The following FOXP1 variants were observed in gnomAD, a reference collection of about 807,000 sequenced individuals.
FOXP1 encodes forkhead box P1, also known as forkhead box protein P1.
FOXP1 carries 15 observed loss-of-function variants against 98.2 expected under a neutral mutation model. The observed-to-expected ratio is 0.15, with a 90% CI of 0.10 to 0.24. The LOEUF (loss-of-function observed/expected upper bound fraction) is 0.24, where lower values mean the gene tolerates loss of function less well. FOXP1 is among the 10% of genes least tolerant of loss of function. The probability of loss-of-function intolerance (pLI) is 1.00; values close to 1 mark genes in which losing one functional copy is unlikely to be tolerated. For synonymous variants in FOXP1, 371 were observed against 314.5 expected (o/e 1.18, Z -1.90); for missense variants, 633 against 848.5 (o/e 0.75, Z 3.15).
intron 3 of FOXP1, among the ~76,000 whole-genome samples, chr3:71,409,481 T>C (rs1173770612): frequency 6.6e-6 from 1 of 152,036 alleles, no homozygotes; most frequent in East Asian, 1.9e-4. Context: ...TCCTCTTTGG[T>C]AGGCAGGAGG....
At chr3:71,029,972 C>G (rs975996320) in intron 11 of FOXP1, among the ~76,000 whole-genome samples, 5 of 152,114 alleles carry the variant, frequency 3.3e-5, no homozygotes, top group African/African-American at 1.2e-4. Flanking sequence ...ATGTGCTCAG[C>G]AACTAAAACA....
At chr3:71,227,701 A>T (rs2106709213) in intron 5 of FOXP1, among the ~76,000 whole-genome samples, 1 of 152,064 alleles carries the variant, frequency 6.6e-6, no homozygotes, top group African/African-American at 2.4e-5. Flanking sequence ...TTTTGAGATT[A>T]AAAAATGGTT....
At chr3:71,454,522 C>A (rs1169112916) in intron 3 of FOXP1, among the ~76,000 whole-genome samples, 1 of 152,038 alleles carries the variant, frequency 6.6e-6, no homozygotes, top group Non-Finnish European at 1.5e-5. Flanking sequence ...CCTTGAGGTT[C>A]CAAGTGTGGC....
At chr3:71,131,399 A>G (rs1312129339) in intron 6 of FOXP1, among the ~76,000 whole-genome samples, 1 of 123,468 alleles carries the variant, frequency 8.1e-6, no homozygotes. Context: ...GCCATATTCA[A>G]TAACAAAAAA....
At chr3:71,517,264 T>C (rs1191834336) in intron 2 of FOXP1, among the ~76,000 whole-genome samples, 1 of 152,034 alleles carries the variant, frequency 6.6e-6, no homozygotes, top group Non-Finnish European at 1.5e-5. Context: ...TCCAAGTCCA[T>C]ACAGATTCAC....
intron 4 of FOXP1, among the ~76,000 whole-genome samples, chr3:71,341,279 A>T (rs1268941675): frequency 1.3e-5 from 2 of 152,242 alleles, no homozygotes; most frequent in Non-Finnish European, 2.9e-5. Flanking sequence ...AAAGAAATGA[A>T]ATTAGAAATC....
Position 71,278,510 on chromosome 3 carries a change from C to T in FOXP1, c.-12+21310G>A, listed in dbSNP as rs186529287. Among the ~76,000 whole-genome samples, 1,039 of 152,226 alleles carry T rather than the reference C, an allele frequency of 6.8e-3. 15 individuals are homozygous for T. The highest frequency in any genetic ancestry group is 0.023 in the African/African-American group (975 of 41,518). ...GATTAAACAAATTTCTGACCGGGCA[C>T]GGTGGCTCACACCTGTAATCCCAGC... On this transcript the variant is annotated intron_variant, in intron 5 of 20. Coordinates refer to ENST00000649528, the MANE Select transcript of FOXP1 (RefSeq NM_001349338.3).
chr3:70,960,983 T>C (rs868483573), intron 20 of FOXP1, among the ~76,000 whole-genome samples: 3 of 151,258 alleles, frequency 2.0e-5, no homozygotes, highest in East Asian at 2.0e-4. Context: ...GCTGGGACTA[T>C]AGGCACCTGC....
intron 1 of FOXP1, chr3:71,582,668 T>G: frequency 1.0e-6 from 1 of 985,158 alleles, no homozygotes; most frequent in Non-Finnish European, 1.2e-6. Flanking sequence ...GCGCGGCGAC[T>G]CCTCGCAGCG....
chr3:71,507,320 A>G (rs60756930), intron 2 of FOXP1, among the ~76,000 whole-genome samples: 50,740 of 152,006 alleles, frequency 0.33, 9,520 homozygotes, highest in Non-Finnish European at 0.43. Flanking sequence ...AGGAGTGAAC[A>G]GGAATGCATG....
intron 4 of FOXP1, among the ~76,000 whole-genome samples, chr3:71,354,504 T>C (rs35724019): frequency 0.026 from 3,983 of 152,320 alleles, 98 homozygotes; most frequent in South Asian, 0.11. Context: ...TTCTAGCATG[T>C]GCTACCTGAG....
intron 5 of FOXP1, among the ~76,000 whole-genome samples, chr3:71,295,027 C>T (rs971860829): frequency 3.3e-5 from 5 of 152,128 alleles, no homozygotes; most frequent in Non-Finnish European, 7.4e-5. Context: ...AGCCATTTTA[C>T]GCTGGGGTCT....
chr3:71,096,351 C>A lies in FOXP1; in HGVS notation c.282+16185G>T, dbSNP rs73838162. Among the ~76,000 whole-genome samples, 640 of 152,288 alleles carry A rather than the reference C, an allele frequency of 4.2e-3. 3 individuals carry two copies. Among genetic ancestry groups the A allele is most frequent in the African/African-American group, 0.013 (558 of 41,564 alleles). ...TGCTTGGGCCCCATCCTAAGATTCTCATTCAGAAGATAAGAGTTCCGGAGC... is the reference window on the plus strand; with the variant it reads ...TGCTTGGGCCCCATCCTAAGATTCTAATTCAGAAGATAAGAGTTCCGGAGC... On this transcript the variant is annotated intron_variant, in intron 7 of 20. Coordinates refer to ENST00000649528, the MANE Select transcript of FOXP1 (RefSeq NM_001349338.3).
chr3:71,050,719 ACCC>A (rs1168785220), intron 9 of FOXP1, among the ~76,000 whole-genome samples: 1 of 152,030 alleles, frequency 6.6e-6, no homozygotes. Flanking sequence ...CCTCCTTCAT[ACCC>A]CTTCTTTTTT....
intron 3 of FOXP1, among the ~76,000 whole-genome samples, chr3:71,423,932 T>G (rs1361281026): frequency 6.6e-6 from 1 of 152,182 alleles, no homozygotes; most frequent in Non-Finnish European, 1.5e-5. Context: ...AGAAATATAT[T>G]TCTATTTTTA....
intron 5 of FOXP1, among the ~76,000 whole-genome samples, chr3:71,278,119 C>A (rs866797110): frequency 6.6e-6 from 1 of 152,156 alleles, no homozygotes; most frequent in African/African-American, 2.4e-5. Flanking sequence ...CTGCGGGAAA[C>A]AGTAGCCCCT....
intron 3 of FOXP1, among the ~76,000 whole-genome samples, chr3:71,411,976 A>G (rs1002191594): frequency 3.3e-5 from 5 of 152,250 alleles, no homozygotes; most frequent in Non-Finnish European, 7.3e-5. Context: ...AGTAAAGCCT[A>G]AAAGTCTCAA....
chr3:71,217,668 A>G (rs972808704), intron 5 of FOXP1, among the ~76,000 whole-genome samples: 13 of 152,152 alleles, frequency 8.5e-5, no homozygotes, highest in Non-Finnish European at 1.3e-4. Flanking sequence ...CAAGCTTGAC[A>G]GAGAAGACTG....
chr3:71,523,229 A>G (rs2107470758), intron 2 of FOXP1, among the ~76,000 whole-genome samples: 1 of 152,302 alleles, frequency 6.6e-6, no homozygotes, highest in Non-Finnish European at 1.5e-5. Flanking sequence ...GGCCTGAAAC[A>G]TTCTCCCTCA....
Sources: gnomAD v4.1 joint callset for allele counts (sites outside exome capture counted in the v4.1 genomes callset) on GRCh38, gnomAD v4.1.1 for gene constraint, MANE v1.5 for transcripts, NCBI Gene and HGNC (gene_info 2026-07-23, HGNC 2026-07-21) for gene names.